CCDC14: variants seen among roughly 807,000 people sequenced by gnomAD.
CCDC14 encodes coiled-coil domain containing 14.
A neutral mutation model predicts 81.4 loss-of-function variants in CCDC14; 71 were observed. The ratio of observed to expected loss-of-function variants is 0.87; its 90% confidence interval spans 0.72 to 1.06. The LOEUF is 1.06. Among genes scored for constraint, CCDC14 ranks in the 50% least tolerant of loss-of-function variants. The probability of loss-of-function intolerance (pLI) is 0.00; values close to 1 mark genes in which losing one functional copy is unlikely to be tolerated. For synonymous variants in CCDC14, 332 were observed against 364.8 expected (o/e 0.91, Z 1.03); for missense variants, 1,046 against 1,047.3 (o/e 1.00, Z 0.02).
chr3:123,944,351 G>C (rs1347241176), intron 9 of CCDC14, among the ~76,000 whole-genome samples: 6 of 152,064 alleles, frequency 3.9e-5, no homozygotes, highest in African/African-American at 1.4e-4. Context: ...ATCACTTCTG[G>C]GTTGAGCCAT....
At chr3:123,910,876 C>T (rs1398016589), downstream of CCDC14, among the ~76,000 whole-genome samples, 1 of 152,098 alleles carries the variant, frequency 6.6e-6, no homozygotes, top group East Asian at 1.9e-4. Flanking sequence ...CACCAAGGGT[C>T]ATGAGGGCAG....
intron 1 of CCDC14, 110 bp downstream of exon 1, chr3:123,961,034 G>A (rs1027620541): frequency 4.1e-6 from 4 of 964,382 alleles, no homozygotes; most frequent in Non-Finnish European, 6.1e-6. Context: ...CTTTAATGTC[G>A]CCGCATTGTC....
At chr3:123,934,694 A>G (rs1200681092) in intron 9 of CCDC14, among the ~76,000 whole-genome samples, 1 of 152,148 alleles carries the variant, frequency 6.6e-6, no homozygotes, top group East Asian at 1.9e-4. Context: ...TACTTCTAAG[A>G]AGTTATCGCT....
chr3:123,940,068 G>T (rs2036269393), intron 9 of CCDC14, among the ~76,000 whole-genome samples: 1 of 151,602 alleles, frequency 6.6e-6, no homozygotes, highest in South Asian at 2.1e-4. Flanking sequence ...GGTTTAGGAA[G>T]AGGAAGAAGC....
At chr3:123,930,043 T>C (rs1391190698) in intron 12 of CCDC14, among the ~76,000 whole-genome samples, 1 of 152,228 alleles carries the variant, frequency 6.6e-6, no homozygotes, top group African/African-American at 2.4e-5. Context: ...TCAGAACCTC[T>C]GACTAGAACC....
intron 5 of CCDC14, among the ~76,000 whole-genome samples, chr3:123,903,800 G>A (rs981329706): frequency 3.3e-5 from 3 of 92,260 alleles, no homozygotes; most frequent in Non-Finnish European, 4.8e-5. Context: ...ATGTAGGTCC[G>A]GAGTAAAAAG....
intron 9 of CCDC14, among the ~76,000 whole-genome samples, chr3:123,943,486 G>T (rs1315420578): frequency 6.6e-6 from 1 of 151,950 alleles, no homozygotes; most frequent in Non-Finnish European, 1.5e-5. Flanking sequence ...CTTTCTTACA[G>T]CTGGCCATAA....
chr3:123,938,756 T>C (rs2036192062), intron 9 of CCDC14, among the ~76,000 whole-genome samples: 1 of 151,946 alleles, frequency 6.6e-6, no homozygotes, highest in Admixed American at 6.6e-5. Context: ...ACAAAAACTA[T>C]TTTAAAATAT....
At chr3:123,887,617 G>A in the CCDC14 span, among the ~76,000 whole-genome samples, 2 of 152,182 alleles carry the variant, frequency 1.3e-5, no homozygotes, top group African/African-American at 4.8e-5. Context: ...TTTGTAGACG[G>A]CACCTTCTCA....
At chr3:123,897,041 A>G (rs1372317891), downstream of CCDC14, among the ~76,000 whole-genome samples, 1 of 152,218 alleles carries the variant, frequency 6.6e-6, no homozygotes, top group African/African-American at 2.4e-5. Flanking sequence ...AAGAGGAGAT[A>G]AAATCATACA....
chr3:123,914,736 T>A lies in CCDC14; in HGVS notation c.*43A>T. ...AAAATACACATTCAATATAGCCAAGTTCTAGTTTTAAAAAGAAGCACCTGA... is the reference window on the plus strand; with the variant it reads ...AAAATACACATTCAATATAGCCAAGATCTAGTTTTAAAAAGAAGCACCTGA... On this transcript the variant is annotated 3_prime_UTR_variant, in exon 13 of 13. Coordinates refer to ENST00000409697, the MANE Select transcript of CCDC14 (RefSeq NM_001366335.1). 6.8e-7 allele frequency: 1 copy of A among 1,466,016 alleles called. No homozygotes were observed. The highest frequency in any genetic ancestry group is 9.0e-7 in the Non-Finnish European group (1 of 1,110,674). The allele number at this position is 1,466,016 out of a possible 1,614,324, so 90.8% of individuals were successfully genotyped here.
In CCDC14 at chr3:123,961,203, A is replaced by G. The variant is rs2037669963; in HGVS notation, c.-30T>C. 2 of 1,551,604 alleles carry G rather than the reference A, an allele frequency of 1.3e-6. No individual in the cohort carries two copies. Among genetic ancestry groups the G allele is most frequent in the Non-Finnish European group, 1.7e-6 (2 of 1,146,994 alleles). On this transcript the variant is annotated 5_prime_UTR_variant, in exon 1 of 13. Transcript: ENST00000409697. ...CGCCGCCTCAGAGAAGCCCAGACCG[A>G]GGGAAGTGAAGCCTCACGGTAAAAA... is the stretch of plus-strand genomic sequence containing the variant.
rs767153571 is a variant in CCDC14, at chr3:123,915,364, A to G, written c.2133T>C (p.Asp711=). 1 of 1,613,714 alleles carries G rather than the reference A, an allele frequency of 6.2e-7. No individual in the cohort carries two copies. Among genetic ancestry groups the G allele is most frequent in the Non-Finnish European group, 8.5e-7 (1 of 1,179,762 alleles). ...TTAAAGCCATAGTTTCACTCCCTTCATCAGAATCCTGTTTTGAAAGGGCAG... is the reference window on the plus strand; with the variant it reads ...TTAAAGCCATAGTTTCACTCCCTTCGTCAGAATCCTGTTTTGAAAGGGCAG... ...IISALSKQDS[D]EGSETMALIE... Residue 711 remains aspartate (D), a synonymous_variant, in exon 13 of 13, where the codon GAT becomes GAC. Coordinates refer to ENST00000409697, the MANE Select transcript of CCDC14 (RefSeq NM_001366335.1).
At chr3:123,926,573 T>C (rs910335773) in intron 12 of CCDC14, among the ~76,000 whole-genome samples, 1 of 146,984 alleles carries the variant, frequency 6.8e-6, no homozygotes, top group South Asian at 2.1e-4. Context: ...TTATTTAAAT[T>C]AATATTTAAA....
chr3:123,961,190 G>C lies in CCDC14; in HGVS notation c.-17C>G. On this transcript the variant is annotated 5_prime_UTR_variant, in exon 1 of 13. Transcript: ENST00000409697. ...CCTGACCATCTCTCGCCGCCTCAGA[G>C]AAGCCCAGACCGAGGGAAGTGAAGC... 6.4e-7 allele frequency: 1 copy of C among 1,551,648 alleles called. No homozygotes were observed. Among genetic ancestry groups the C allele is most frequent in the Non-Finnish European group, 8.7e-7 (1 of 1,147,002 alleles).
At chr3:123,934,640 T>C (rs1374828055) in intron 9 of CCDC14, among the ~76,000 whole-genome samples, 1 of 152,206 alleles carries the variant, frequency 6.6e-6, no homozygotes, top group African/African-American at 2.4e-5. Flanking sequence ...AACTTCACAA[T>C]ATGTATCTGC....
At position 123,934,270 on chromosome 3, in the gene CCDC14, C is replaced by CAAAAAAAAAA. The variant is rs61094944; in HGVS notation, c.1344-525_1344-516dup. Among the ~76,000 whole-genome samples, 171 of 52,274 alleles carry CAAAAAAAAAA rather than the reference C, an allele frequency of 3.3e-3. 14 individuals carry two copies. Among genetic ancestry groups the CAAAAAAAAAA allele is most frequent in the African/African-American group, 0.014 (162 of 11,836 alleles). The allele number at this position is 52,274 out of a possible 152,430, so 34.3% of individuals were successfully genotyped here. ...CTGGCGAAAGAGTGAGACTCTGCCT[C>CAAAAAAAAAA]AAAAAAAAAAAAAAAAAAAAAAAAA... On this transcript the variant is annotated intron_variant, in intron 9 of 12. Coordinates refer to ENST00000409697, the MANE Select transcript of CCDC14 (RefSeq NM_001366335.1).
chr3:123,933,622 C>A, intron 10 of CCDC14, 51 bp downstream of exon 10: 6 of 1,273,656 alleles, frequency 4.7e-6, no homozygotes, highest in Non-Finnish European at 6.6e-6. Flanking sequence ...TCTTTATCAA[C>A]ATTTCCGGAG....
intron 5 of CCDC14, among the ~76,000 whole-genome samples, chr3:123,907,287 T>C (rs1348929737): frequency 6.6e-6 from 1 of 152,168 alleles, no homozygotes; most frequent in South Asian, 2.1e-4. Context: ...TATTTAGAGT[T>C]TTATGCATTA....
Sources: allele counts gnomAD v4.1 joint callset (sites outside exome capture counted in the v4.1 genomes callset), GRCh38; gene constraint gnomAD v4.1.1; transcripts MANE v1.5; gene names NCBI Gene and HGNC (gene_info 2026-07-23, HGNC 2026-07-21).